Variants in GRM7 observed in about 807,000 individuals in gnomAD.
GRM7 encodes glutamate metabotropic receptor 7.
In GRM7, 35 loss-of-function variants were observed where a neutral mutation model predicts 84.5. That is an observed-to-expected ratio of 0.41 (90% CI 0.32 to 0.55). GRM7 has a LOEUF of 0.55. Ranked by LOEUF, GRM7 falls within the 20% of genes least tolerant of loss-of-function variation. The probability of loss-of-function intolerance (pLI) is 0.19; values close to 1 mark genes in which losing one functional copy is unlikely to be tolerated. For synonymous variants in GRM7, 487 were observed against 455.1 expected (o/e 1.07, Z -0.89); for missense variants, 1,003 against 1,194.6 (o/e 0.84, Z 2.36).
chr3:7,703,748 A>G (rs1385733298), intron 9 of GRM7, among the ~76,000 whole-genome samples: 2 of 152,208 alleles, frequency 1.3e-5, no homozygotes, highest in Non-Finnish European at 2.9e-5. Context: ...GCTAGTTGTT[A>G]TAATATACAT....
chr3:7,250,122 A>AGAGTGGAT (rs1242400609), intron 2 of GRM7, among the ~76,000 whole-genome samples: 2 of 152,240 alleles, frequency 1.3e-5, no homozygotes, highest in Non-Finnish European at 2.9e-5. Flanking sequence ...GAGAAAGAGA[A>AGAGTGGAT]GAGTGGATAT....
At chr3:7,389,171 G>A (rs1694896209) in intron 4 of GRM7, among the ~76,000 whole-genome samples, 1 of 152,076 alleles carries the variant, frequency 6.6e-6, no homozygotes, top group African/African-American at 2.4e-5. Context: ...TAGTTTCTAT[G>A]AATTTGTGTG....
At chr3:6,987,088 T>G (rs1001723819) in intron 1 of GRM7, among the ~76,000 whole-genome samples, 9 of 152,194 alleles carry the variant, frequency 5.9e-5, no homozygotes, top group African/African-American at 2.2e-4. Context: ...CCTCTGTTCT[T>G]TCGTTTCCTT....
chr3:7,330,335 C>A (rs75138586), intron 4 of GRM7, among the ~76,000 whole-genome samples: 1 of 151,896 alleles, frequency 6.6e-6, no homozygotes, highest in Non-Finnish European at 1.5e-5. Context: ...GGAAGAAAAC[C>A]CATTTCTGTG....
chr3:6,954,729 G>A (rs763104427), intron 1 of GRM7, among the ~76,000 whole-genome samples: 6 of 152,324 alleles, frequency 3.9e-5, no homozygotes, highest in Non-Finnish European at 8.8e-5. Context: ...TTTAGTCAGT[G>A]ACATTCCTTC....
At chr3:7,403,279 G>A in intron 4 of GRM7, 1 of 204,954 alleles carries the variant, frequency 4.9e-6, no homozygotes. Context: ...ACATGAAAGT[G>A]ATTATGATAA....
chr3:7,092,610 G>T (rs971609455), intron 1 of GRM7, among the ~76,000 whole-genome samples: 12 of 141,528 alleles, frequency 8.5e-5, no homozygotes, highest in Non-Finnish European at 1.7e-4. Context: ...TGGGGGGGGG[G>T]CAATTTAGAT....
chr3:7,248,513 T>C (rs1697859084), intron 2 of GRM7, among the ~76,000 whole-genome samples: 1 of 152,186 alleles, frequency 6.6e-6, no homozygotes, highest in Non-Finnish European at 1.5e-5. Context: ...GCTTTTTGTC[T>C]TCATTATGTT....
At position 7,737,845 on chromosome 3, in the gene GRM7, T is replaced by G. The variant is rs866463492; in HGVS notation, c.2699-2512T>G. Among the ~76,000 whole-genome samples, 404 of 129,420 alleles carry G rather than the reference T, an allele frequency of 3.1e-3. 5 individuals carry two copies. Among genetic ancestry groups the G allele is most frequent in the Middle Eastern group, 0.024 (6 of 254 alleles). The allele number at this position is 129,420 out of a possible 152,430, so 84.9% of individuals were successfully genotyped here. ...ACCAGGTAAAAATTATTCTCCCAAT[T>G]TTTTTTTTTTTTTTTTTTTGACACA... On this transcript the variant is annotated intron_variant, in intron 9 of 9. Coordinates refer to ENST00000357716, the MANE Select transcript of GRM7 (RefSeq NM_000844.4).
intron 2 of GRM7, among the ~76,000 whole-genome samples, chr3:7,297,608 G>A (rs1472486767): frequency 6.6e-6 from 1 of 152,008 alleles, no homozygotes; most frequent in Non-Finnish European, 1.5e-5. Flanking sequence ...GTGTAATGAA[G>A]GCTTAATTTT....
At chr3:7,298,571 C>G (rs371671887) in intron 2 of GRM7, 113 bp from the exon 3 acceptor site, 1 of 837,238 alleles carries the variant, frequency 1.2e-6, no homozygotes. Context: ...GCAACAGCAT[C>G]AAGGAAGTAT....
chr3:7,563,098 A>G (rs1323159659), intron 7 of GRM7, among the ~76,000 whole-genome samples: 2 of 152,192 alleles, frequency 1.3e-5, no homozygotes. Context: ...GACTCACCCC[A>G]GGTGAGTGGG....
intron 2 of GRM7, among the ~76,000 whole-genome samples, chr3:7,194,217 T>G (rs1314597368): frequency 6.6e-6 from 1 of 152,102 alleles, no homozygotes; most frequent in African/African-American, 2.4e-5. Flanking sequence ...TTCCCAGAGA[T>G]CTGTACACAG....
chr3:7,447,256 T>C (rs1472751422), intron 5 of GRM7, among the ~76,000 whole-genome samples: 1 of 152,214 alleles, frequency 6.6e-6, no homozygotes, highest in Admixed American at 6.5e-5. Context: ...AAGAACGTCC[T>C]GTTAATGAAG....
At chr3:7,460,842 G>C (rs375515558) in intron 6 of GRM7, among the ~76,000 whole-genome samples, 629 of 152,324 alleles carry the variant, frequency 4.1e-3, no homozygotes, top group African/African-American at 0.015. Flanking sequence ...TGGACAGATA[G>C]ATACAGATAT....
intron 8 of GRM7, among the ~76,000 whole-genome samples, chr3:7,638,853 A>G (rs74472328): frequency 8.1e-4 from 124 of 152,338 alleles, no homozygotes; most frequent in Non-Finnish European, 1.5e-3. Flanking sequence ...GGAAGTCAAG[A>G]GAAATCAAGG....
intron 4 of GRM7, among the ~76,000 whole-genome samples, chr3:7,328,436 GC>G (rs1701068289): frequency 6.6e-6 from 1 of 152,122 alleles, no homozygotes; most frequent in African/African-American, 2.4e-5. Flanking sequence ...CTTTGAGATG[GC>G]CAGGTGTCTG....
chr3:7,610,423 C>T (rs942746366), intron 8 of GRM7, among the ~76,000 whole-genome samples: 17 of 152,220 alleles, frequency 1.1e-4, no homozygotes, highest in East Asian at 5.8e-4. Context: ...ATTACTCTTT[C>T]GATGAAACAA....
chr3:7,214,114 C>CAAA (rs34038958), intron 2 of GRM7, among the ~76,000 whole-genome samples: 3 of 126,610 alleles, frequency 2.4e-5, no homozygotes, highest in East Asian at 4.8e-4. Flanking sequence ...ACTAATCAGC[C>CAAA]AAAAAAAAAA....
Sources: gnomAD v4.1 joint callset for allele counts (sites outside exome capture counted in the v4.1 genomes callset) on GRCh38, gnomAD v4.1.1 for gene constraint, MANE v1.5 for transcripts, NCBI Gene and HGNC (gene_info 2026-07-23, HGNC 2026-07-21) for gene names.